The following ADAM19 variants were observed in gnomAD, a reference collection of about 807,000 sequenced individuals.
The protein encoded by ADAM19 is ADAM metallopeptidase domain 19.
In ADAM19, 65 loss-of-function variants were observed where a neutral mutation model predicts 114.7. The observed-to-expected ratio is 0.57, with a 90% CI of 0.46 to 0.70. ADAM19 has a LOEUF of 0.70. Among genes scored for constraint, ADAM19 ranks in the 30% least tolerant of loss-of-function variants. The probability of loss-of-function intolerance (pLI) is 0.00; values close to 1 mark genes in which losing one functional copy is unlikely to be tolerated. For synonymous variants in ADAM19, 466 were observed against 460.5 expected (o/e 1.01, Z -0.15); for missense variants, 1,063 against 1,204.7 (o/e 0.88, Z 1.74).
chr5:157,539,641 C>A (rs942639067), intron 3 of ADAM19, among the ~76,000 whole-genome samples: 1 of 152,304 alleles, frequency 6.6e-6, no homozygotes, highest in East Asian at 1.9e-4. Flanking sequence ...AAGCACAAAC[C>A]CCAGCTTTGT....
rs1362500533 is a variant in ADAM19, at chr5:157,477,701, T to C, written c.*3248A>G. 9 of 1,289,594 alleles carry C rather than the reference T, an allele frequency of 7.0e-6. No homozygotes were observed. The highest frequency in any genetic ancestry group is 9.1e-6 in the Non-Finnish European group (9 of 988,860). 79.9% of individuals were successfully genotyped at this position (1,289,594 alleles called of 1,614,324 possible). A position where few individuals can be genotyped will look rare whatever the true frequency, so the allele number is the denominator to read the frequency against. The stretch of plus-strand genomic sequence containing the variant: ...ACACAATTACTGACTTTGGAACTGG[T>C]CCCCAGTTTTCAAATTGCAAGTCTT... On this transcript the variant is annotated 3_prime_UTR_variant, in exon 23 of 23. Coordinates refer to ENST00000257527, the MANE Select transcript of ADAM19 (RefSeq NM_033274.5).
chr5:157,564,476 A>C, intron 2 of ADAM19, 33 bp from the exon 3 acceptor site: 1 of 1,604,976 alleles, frequency 6.2e-7, no homozygotes. Flanking sequence ...GTCAGTTCCT[A>C]AAAGCCGGCA....
rs569152126 is a variant in ADAM19, at chr5:157,523,721, C to T, written c.408-3690G>A. ...CTCTTTTCTTTATAAATTACCCAGCCTTACGTATTCCTTTATAGCAACACA... is the reference window on the plus strand; with the variant it reads ...CTCTTTTCTTTATAAATTACCCAGCTTTACGTATTCCTTTATAGCAACACA... On this transcript the variant is annotated intron_variant, in intron 5 of 22. Coordinates refer to ENST00000257527, the MANE Select transcript of ADAM19 (RefSeq NM_033274.5). Among the ~76,000 whole-genome samples, 9 of 152,300 alleles carry T rather than the reference C, an allele frequency of 5.9e-5. No homozygotes were observed. In the South Asian group the frequency reaches 1.7e-3, roughly 28 times the overall value.
At chr5:157,501,828 C>A (rs1359449275) in intron 12 of ADAM19, among the ~76,000 whole-genome samples, 2 of 151,896 alleles carry the variant, frequency 1.3e-5, no homozygotes, top group East Asian at 3.9e-4. Flanking sequence ...GTGGGTGGAT[C>A]ATCTGAGGTC....
At position 157,502,995 on chromosome 5, in the gene ADAM19, G is replaced by A. The variant is rs971928064; in HGVS notation, c.1131-15C>T. ...GAAAGGGGTGCCTGGCAGAGGACAA[G>A]GCTGGAATTAGTGGGGAGTTTGAGC... On this transcript the variant is annotated splice_polypyrimidine_tract_variant and intron_variant, in intron 11 of 22. Transcript: ENST00000257527. The A allele has an allele frequency of 1.2e-6, 2 of 1,608,332 alleles. No homozygotes were observed. Among genetic ancestry groups the A allele is most frequent in the Admixed American group, 1.7e-5 (1 of 59,900 alleles).
At chr5:157,570,792 A>T (rs1757797782) in intron 2 of ADAM19, 103 bp downstream of exon 2, 3 of 1,009,660 alleles carry the variant, frequency 3.0e-6, no homozygotes. Context: ...TGGGCCAGAA[A>T]CAGAACTAAT....
At chr5:157,543,776 C>T (rs1325583694) in intron 3 of ADAM19, among the ~76,000 whole-genome samples, 2 of 152,010 alleles carry the variant, frequency 1.3e-5, no homozygotes, top group East Asian at 1.9e-4. Context: ...CCTCAGTTTC[C>T]CTTTCTATCA....
chr5:157,563,126 C>T (rs1757557263), intron 3 of ADAM19, among the ~76,000 whole-genome samples: 2 of 152,014 alleles, frequency 1.3e-5, no homozygotes, highest in Admixed American at 1.3e-4. Flanking sequence ...AAATCCAGGG[C>T]CAATAGACGC....
At chr5:157,575,204 C>T (rs1414797391) in intron 1 of ADAM19, among the ~76,000 whole-genome samples, 8 of 152,154 alleles carry the variant, frequency 5.3e-5, no homozygotes, top group Non-Finnish European at 7.4e-5. Flanking sequence ...TCGGGATGCT[C>T]GGCGTTGGCG....
chr5:157,515,818 G>C (rs1581319328), intron 7 of ADAM19, among the ~76,000 whole-genome samples: 1 of 152,214 alleles, frequency 6.6e-6, no homozygotes, highest in East Asian at 1.9e-4. Context: ...TCCTACAACA[G>C]CCCACCTTAC....
rs1243360053 is a variant in ADAM19 at position 157,477,939 on chromosome 5, T to C, written c.*3010A>G. The C allele has an allele frequency of 1.6e-5, 5 of 320,002 alleles. No individual in the cohort carries two copies. Among genetic ancestry groups the C allele is most frequent in the Admixed American group, 1.2e-4 (3 of 25,786 alleles). 19.8% of individuals were successfully genotyped at this position (320,002 alleles called of 1,614,324 possible). A position where few individuals can be genotyped will look rare whatever the true frequency, so the allele number is the denominator to read the frequency against. On this transcript the variant is annotated 3_prime_UTR_variant, in exon 23 of 23. Transcript: ENST00000257527. ...TCAGAGCTGGGGCAGAAAAAGGCTT[T>C]ACTTTTATAGGGAGAAGTCAGCAAG...
intron 21 of ADAM19, among the ~76,000 whole-genome samples, chr5:157,484,716 C>G (rs1360111682): frequency 6.6e-6 from 1 of 152,218 alleles, no homozygotes. Context: ...GCCCCCTTCA[C>G]CACCACCTTC....
intron 6 of ADAM19, 109 bp from the exon 7 acceptor site, chr5:157,518,997 G>A: frequency 1.1e-6 from 1 of 908,910 alleles, no homozygotes; most frequent in Non-Finnish European, 1.8e-6. Context: ...CCTCCGTAAT[G>A]ATTTTGTCAT....
At chr5:157,558,293 T>G (rs960608088) in intron 3 of ADAM19, among the ~76,000 whole-genome samples, 1 of 152,230 alleles carries the variant, frequency 6.6e-6, no homozygotes, top group East Asian at 1.9e-4. Context: ...CATCCAACTG[T>G]TTCCTCAGCA....
In ADAM19 at chr5:157,478,712, T is replaced by C; in HGVS notation, c.*2237A>G. On this transcript the variant is annotated 3_prime_UTR_variant, in exon 23 of 23. Transcript: ENST00000257527. The stretch of plus-strand genomic sequence containing the variant: ...TATCAAATTCCAAAACATTCCACCA[T>C]CTTCCAGTTCACAGTACAACTTTAT... 2 of 985,822 alleles carry C rather than the reference T, an allele frequency of 2.0e-6. No individual in the cohort carries two copies. Among genetic ancestry groups the C allele is most frequent in the South Asian group, 4.7e-5 (1 of 21,290 alleles). The allele number at this position is 985,822 out of a possible 1,614,324, so 61.1% of individuals were successfully genotyped here. A position where few individuals can be genotyped will look rare whatever the true frequency, so the allele number is the denominator to read the frequency against.
chr5:157,562,573 A>G (rs1757537225), intron 3 of ADAM19, among the ~76,000 whole-genome samples: 1 of 152,130 alleles, frequency 6.6e-6, no homozygotes, highest in Non-Finnish European at 1.5e-5. Context: ...CGAAGTTCCA[A>G]AAGATTCAGC....
At chr5:157,533,872 G>A (rs11738095) in intron 4 of ADAM19, among the ~76,000 whole-genome samples, 14,097 of 152,112 alleles carry the variant, frequency 0.093, 737 homozygotes, top group Middle Eastern at 0.18. Context: ...GGAGACTGAG[G>A]GAGGAGAATT....
chr5:157,481,739 C>G, intron 22 of ADAM19, 52 bp downstream of exon 22: 2 of 1,552,686 alleles, frequency 1.3e-6, no homozygotes, highest in Non-Finnish European at 1.7e-6. Flanking sequence ...CACCTGCCCC[C>G]CTGGAGCCCT....
In ADAM19 at chr5:157,575,568, A is replaced by T. The variant is rs764561293; in HGVS notation, c.94+35T>A. The stretch of plus-strand genomic sequence containing the variant: ...AAGGCTACTCCCAGGTCTCCGGGCC[A>T]CCCAGCCTCCATCCCCCCGCGCCTG... On this transcript the variant is annotated intron_variant, in intron 1 of 22. Coordinates refer to ENST00000257527, the MANE Select transcript of ADAM19 (RefSeq NM_033274.5). The T allele has an allele frequency of 2.1e-6, 3 of 1,429,710 alleles. No individual in the cohort carries two copies. In the South Asian group the frequency reaches 4.1e-5, roughly 19 times the overall value. The allele number at this position is 1,429,710 out of a possible 1,614,324, so 88.6% of individuals were successfully genotyped here.
Sources: gnomAD v4.1 joint callset for allele counts (sites outside exome capture counted in the v4.1 genomes callset) on GRCh38, gnomAD v4.1.1 for gene constraint, MANE v1.5 for transcripts, NCBI Gene and HGNC (gene_info 2026-07-23, HGNC 2026-07-21) for gene names.